Variants in BRINP3 observed in about 807,000 individuals in gnomAD.
BRINP3 encodes BMP/retinoic acid inducible neural specific 3.
BRINP3 carries 19 observed loss-of-function variants against 71.0 expected under a neutral mutation model. The observed-to-expected ratio is 0.27, with a 90% CI of 0.19 to 0.39. The LOEUF (loss-of-function observed/expected upper bound fraction) is 0.39. Among genes scored for constraint, BRINP3 ranks in the 10% least tolerant of loss-of-function variants. The pLI, the probability that BRINP3 is intolerant of heterozygous loss-of-function variation, is 1.00. For missense variants in BRINP3, 959 were observed against 940.8 expected (o/e 1.02, Z -0.25); for synonymous variants, 380 against 337.7 (o/e 1.13, Z -1.37).
intron 6 of BRINP3, among the ~76,000 whole-genome samples, chr1:190,166,438 G>T (rs1651546729): frequency 6.6e-6 from 1 of 152,144 alleles, no homozygotes; most frequent in Admixed American, 6.5e-5. Context: ...ATCTGTTTGA[G>T]AAATTACTCA....
intron 6 of BRINP3, among the ~76,000 whole-genome samples, chr1:190,172,207 A>G (rs920934329): frequency 6.7e-6 from 1 of 150,174 alleles, no homozygotes; most frequent in Non-Finnish European, 1.5e-5. Context: ...TAATAAGTTA[A>G]TATCAGTGAT....
intron 3 of BRINP3, among the ~76,000 whole-genome samples, chr1:190,279,288 C>T (rs1360279027): frequency 2.0e-5 from 3 of 151,210 alleles, no homozygotes; most frequent in African/African-American, 7.3e-5. Context: ...ATATTTTTGG[C>T]TATCTACACT....
At chr1:190,209,203 C>A (rs1352348945) in intron 6 of BRINP3, among the ~76,000 whole-genome samples, 1 of 152,058 alleles carries the variant, frequency 6.6e-6, no homozygotes, top group African/African-American at 2.4e-5. Flanking sequence ...TCAGTATAGA[C>A]TAGTTTTGCC....
Position 190,395,051 on chromosome 1 carries a change from ATTTGTG to A in BRINP3, c.236+59598_236+59603del, listed in dbSNP as rs1221362388. 4.2e-3 allele frequency among the ~76,000 whole-genome samples: 641 copies of A among 151,834 alleles called. 5 individuals carry two copies. Among genetic ancestry groups the A allele is most frequent in the African/African-American group, 0.014 (596 of 41,512 alleles). On this transcript the variant is annotated intron_variant, in intron 2 of 7. Transcript: ENST00000367462. ...TTATAAAATTAAAGTAGATTGTGAT[ATTTGTG>A]GTAAGAATATATCTTGTGTATCAAT...
At chr1:190,201,929 C>G (rs1655042323) in intron 6 of BRINP3, among the ~76,000 whole-genome samples, 1 of 152,116 alleles carries the variant, frequency 6.6e-6, no homozygotes, top group Non-Finnish European at 1.5e-5. Flanking sequence ...TAGGGCAGTG[C>G]AGAAGGGAAA....
At chr1:190,247,615 TC>T (rs1291676113) in intron 4 of BRINP3, among the ~76,000 whole-genome samples, 1 of 151,790 alleles carries the variant, frequency 6.6e-6, no homozygotes, top group Non-Finnish European at 1.5e-5. Context: ...AACAAATCTA[TC>T]CCCATCTTCC....
chr1:190,254,752 G>T (rs10920671), intron 4 of BRINP3, among the ~76,000 whole-genome samples: 18 of 151,810 alleles, frequency 1.2e-4, no homozygotes, highest in Non-Finnish European at 2.2e-4. Context: ...TTCCTAATTT[G>T]ATACCATTTA....
chr1:190,477,051 C>T (rs933132855), intron 1 of BRINP3, among the ~76,000 whole-genome samples: 2 of 152,164 alleles, frequency 1.3e-5, no homozygotes, highest in African/African-American at 4.8e-5. Context: ...ACTTTCCAGA[C>T]CTTGCAATTG....
intron 2 of BRINP3, among the ~76,000 whole-genome samples, chr1:190,289,735 A>G (rs1484145242): frequency 6.6e-6 from 1 of 151,934 alleles, no homozygotes; most frequent in Middle Eastern, 3.2e-3. Context: ...CTTCTTAAAT[A>G]TTACCTGCTT....
At chr1:190,425,628 T>C (rs1008817435) in intron 2 of BRINP3, among the ~76,000 whole-genome samples, 1 of 151,782 alleles carries the variant, frequency 6.6e-6, no homozygotes, top group African/African-American at 2.4e-5. Context: ...GGAAAAGACT[T>C]CCAGTTCACC....
chr1:190,195,767 C>T (rs1654425671), intron 6 of BRINP3, among the ~76,000 whole-genome samples: 1 of 151,808 alleles, frequency 6.6e-6, no homozygotes, highest in Admixed American at 6.6e-5. Flanking sequence ...TAGCAACTTG[C>T]TAATTAAATA....
At chr1:190,119,703 A>T (rs1295451595) in intron 7 of BRINP3, among the ~76,000 whole-genome samples, 1 of 152,242 alleles carries the variant, frequency 6.6e-6, no homozygotes. Flanking sequence ...CAGAAAAATC[A>T]TGAGGAACAG....
chr1:190,148,669 T>G (rs963346569), intron 7 of BRINP3, among the ~76,000 whole-genome samples: 1 of 151,650 alleles, frequency 6.6e-6, no homozygotes, highest in Non-Finnish European at 1.5e-5. Flanking sequence ...TCCTCATTCT[T>G]TATTTATAGT....
At chr1:190,467,608 A>T (rs1676847277) in intron 1 of BRINP3, among the ~76,000 whole-genome samples, 1 of 151,458 alleles carries the variant, frequency 6.6e-6, no homozygotes, top group Non-Finnish European at 1.5e-5. Context: ...TAATGTCTCC[A>T]AAAGTTACAT....
At chr1:190,363,887 C>T (rs1571866039) in intron 2 of BRINP3, among the ~76,000 whole-genome samples, 1 of 152,070 alleles carries the variant, frequency 6.6e-6, no homozygotes, top group South Asian at 2.1e-4. Context: ...TGGGCTGCAA[C>T]TTTCAATGGG....
intron 6 of BRINP3, 75 bp from the exon 7 acceptor site, chr1:190,160,965 A>G: frequency 9.7e-7 from 1 of 1,027,030 alleles, no homozygotes. Flanking sequence ...GTATGTCAAT[A>G]TTAAGAACAA....
At chr1:190,340,431 A>C (rs1413846413) in intron 2 of BRINP3, among the ~76,000 whole-genome samples, 1 of 151,900 alleles carries the variant, frequency 6.6e-6, no homozygotes, top group Non-Finnish European at 1.5e-5. Context: ...GGTCTAGCTC[A>C]GTATATACTC....
chr1:190,465,561 C>T (rs1334684355), intron 1 of BRINP3, among the ~76,000 whole-genome samples: 1 of 151,914 alleles, frequency 6.6e-6, no homozygotes, highest in African/African-American at 2.4e-5. Flanking sequence ...ACCACCCTGG[C>T]CTGTCTTTAG....
chr1:190,365,637 A>G (rs1669438717), intron 2 of BRINP3, among the ~76,000 whole-genome samples: 1 of 144,522 alleles, frequency 6.9e-6, no homozygotes, highest in Non-Finnish European at 1.5e-5. Context: ...TTATAATTGT[A>G]ATATAATGAT....
Sources: gnomAD v4.1 joint callset for allele counts (sites outside exome capture counted in the v4.1 genomes callset) on GRCh38, gnomAD v4.1.1 for gene constraint, MANE v1.5 for transcripts, NCBI Gene and HGNC (gene_info 2026-07-23, HGNC 2026-07-21) for gene names.